The following NR1I2 variants were observed in gnomAD, a reference collection of about 807,000 sequenced individuals.
The protein encoded by NR1I2 is nuclear receptor subfamily 1 group I member 2, also known as orphan nuclear receptor PAR1.
Under a neutral mutation model 43.3 loss-of-function variants are expected in NR1I2, and 42 were observed. That is an observed-to-expected ratio of 0.97 (90% CI 0.76 to 1.26). NR1I2 has a LOEUF of 1.26. NR1I2 is among the 50% of genes most tolerant of loss of function. The probability of loss-of-function intolerance (pLI) is 0.00; values close to 1 mark genes in which losing one functional copy is unlikely to be tolerated. For synonymous variants in NR1I2, 229 were observed against 215.0 expected, an observed-to-expected ratio of 1.06 and a Z score of -0.57; for missense variants, 559 against 566.7, an observed-to-expected ratio of 0.99 and a Z score of 0.14.
Position 119,793,790 on chromosome 3 carries a change from C to G in NR1I2, c.-23+11490C>G, listed in dbSNP as rs150924451. ...CATGTTCTGGGGATAAGGGTGCAGA[C>G]ATCTTTGAGGGCCTTTATTCTATCT... On this transcript the variant is annotated intron_variant, in intron 1 of 8. Coordinates refer to ENST00000393716, the MANE Select transcript of NR1I2 (RefSeq NM_003889.4). Among the ~76,000 whole-genome samples, 74 of 152,294 alleles carry G rather than the reference C, an allele frequency of 4.9e-4. 1 individual carries two copies. The East Asian group carries it at 0.011, about 22-fold the overall frequency.
At chr3:119,812,644 C>T (rs2055259952) in intron 4 of NR1I2, 42 bp from the exon 5 acceptor site, 2 of 1,611,346 alleles carry the variant, frequency 1.2e-6, no homozygotes, top group African/African-American at 1.3e-5. Context: ...TATGAAAGCA[C>T]ATGCTGTCTC....
chr3:119,816,967 T>C, intron 8 of NR1I2, 101 bp from the exon 9 acceptor site: 2 of 1,510,204 alleles, frequency 1.3e-6, no homozygotes, highest in African/African-American at 2.7e-5. Context: ...TTGGCTGACC[T>C]GAAATGTCCA....
At chr3:119,800,140 A>G (rs2055059114) in intron 1 of NR1I2, among the ~76,000 whole-genome samples, 1 of 152,084 alleles carries the variant, frequency 6.6e-6, no homozygotes, top group Non-Finnish European at 1.5e-5. Flanking sequence ...TAGGTCTATG[A>G]TTTTGTGATC....
intron 1 of NR1I2, chr3:119,782,736 C>T (rs762444025): frequency 5.9e-5 from 94 of 1,602,358 alleles, no homozygotes; most frequent in Non-Finnish European, 7.6e-5. Flanking sequence ...GCTGGCAGCC[C>T]CCTGAGGCCA....
chr3:119,814,474 A>C (rs1385993318), intron 5 of NR1I2, among the ~76,000 whole-genome samples: 1 of 152,196 alleles, frequency 6.6e-6, no homozygotes, highest in Non-Finnish European at 1.5e-5. Flanking sequence ...AAACATCCCC[A>C]CTACTGGAAC....
rs536129143 is a variant in NR1I2 at position 119,790,506 on chromosome 3, A to G, written c.-23+8206A>G. 2.0e-5 allele frequency among the ~76,000 whole-genome samples: 3 copies of G among 152,266 alleles called. No homozygotes were observed. The East Asian group carries it at 5.8e-4, about 29-fold the overall frequency. On this transcript the variant is annotated intron_variant, in intron 1 of 8. Transcript: ENST00000393716. ...TATTGTTATCTATAATGGCTACACC[A>G]TTTTTACATTCCTACCACCTGAGTC...
In NR1I2 at chr3:119,815,306, C is replaced by T. The variant is rs2276707; in HGVS notation, c.938-17C>T. The T allele has an allele frequency of 0.21, 330,198 of 1,605,040 alleles. 37,915 individuals carry two copies. The highest frequency in any genetic ancestry group is 0.46 in the East Asian group (20,735 of 44,822). ...GCTTGCTGAGAAGCTGCCCCTCCAT[C>T]CTGTTACCATCCACAGGTGGCTTCC... is the stretch of plus-strand genomic sequence containing the variant. On this transcript the variant is annotated splice_polypyrimidine_tract_variant and intron_variant, in intron 6 of 8. Transcript: ENST00000393716.
intron 3 of NR1I2, 57 bp downstream of exon 3, chr3:119,810,251 C>A (rs1437283970): frequency 1.3e-6 from 2 of 1,548,210 alleles, no homozygotes; most frequent in Admixed American, 2.0e-5. Context: ...TGAGTAAGGA[C>A]GTGCCGTGGG....
At chr3:119,798,189 C>T (rs926221793) in intron 1 of NR1I2, among the ~76,000 whole-genome samples, 24 of 152,218 alleles carry the variant, frequency 1.6e-4, no homozygotes, top group Middle Eastern at 3.4e-3. Flanking sequence ...GTGTCTCTTA[C>T]GCCCTGTTCT....
At chr3:119,808,301 G>C (rs2055189087) in intron 2 of NR1I2, among the ~76,000 whole-genome samples, 1 of 152,236 alleles carries the variant, frequency 6.6e-6, no homozygotes, top group Non-Finnish European at 1.5e-5. Context: ...TGGGGGCACA[G>C]TGCTGGGGCC....
At chr3:119,791,318 A>G (rs1264764822) in intron 1 of NR1I2, among the ~76,000 whole-genome samples, 5 of 152,032 alleles carry the variant, frequency 3.3e-5, no homozygotes, top group African/African-American at 1.2e-4. Flanking sequence ...TGGCCTCCAG[A>G]GTGGCCTCCT....
chr3:119,784,094 C>G (rs1393313982), intron 1 of NR1I2, among the ~76,000 whole-genome samples: 1 of 152,196 alleles, frequency 6.6e-6, no homozygotes, highest in Non-Finnish European at 1.5e-5. Context: ...CGTTGAATTG[C>G]CACATCACAG....
chr3:119,810,387 T>A, intron 3 of NR1I2, 193 bp downstream of exon 3: 1 of 761,748 alleles, frequency 1.3e-6, no homozygotes, highest in Non-Finnish European at 2.1e-6. Context: ...CTCTGGGAGA[T>A]GGAGGGAGTC....
chr3:119,809,597 T>G, intron 2 of NR1I2, among the ~76,000 whole-genome samples: 2 of 151,396 alleles, frequency 1.3e-5, no homozygotes, highest in East Asian at 3.9e-4. Flanking sequence ...CTTCTCTGGT[T>G]TCTTACCCTC....
Position 119,782,711 on chromosome 3 carries a change from G to T in NR1I2, c.-23+411G>T, listed in dbSNP as rs1034292614. 6.4e-6 allele frequency: 9 copies of T among 1,401,848 alleles called. No individual in the cohort carries two copies. In the Admixed American group the frequency reaches 6.8e-5, roughly 11 times the overall value. 86.8% of individuals were successfully genotyped at this position (1,401,848 alleles called of 1,614,324 possible). On this transcript the variant is annotated intron_variant, in intron 1 of 8. Coordinates refer to ENST00000393716, the MANE Select transcript of NR1I2 (RefSeq NM_003889.4). ...ATCAACTCAGTCCTGATTCCTTTTG[G>T]CCTGCTGGGTTAGTGCTGGCAGCCC... is the stretch of plus-strand genomic sequence containing the variant.
intron 1 of NR1I2, among the ~76,000 whole-genome samples, chr3:119,787,730 T>C (rs2054861521): frequency 1.6e-5 from 1 of 62,656 alleles, no homozygotes; most frequent in African/African-American, 3.3e-5. Flanking sequence ...ATCTTGGAGA[T>C]AGTAGGATGA....
At chr3:119,782,883 C>T (rs1466785613) in intron 1 of NR1I2, 5 of 1,540,674 alleles carry the variant, frequency 3.2e-6, no homozygotes, top group Non-Finnish European at 4.5e-6. Context: ...ATTGAAAGGG[C>T]ACCTTGTCCC....
chr3:119,814,829 G>C, intron 5 of NR1I2, 150 bp from the exon 6 acceptor site: 1 of 966,584 alleles, frequency 1.0e-6, no homozygotes, highest in Non-Finnish European at 1.6e-6. Flanking sequence ...ATGAGAGGCA[G>C]CCAGACAGCA....
At chr3:119,792,668 T>C in intron 1 of NR1I2, 2 of 532,626 alleles carry the variant, frequency 3.8e-6, no homozygotes, top group Non-Finnish European at 6.8e-6. Flanking sequence ...CATGATTGGC[T>C]TAAAGTGAAG....
Sources: gnomAD v4.1 joint callset for allele counts (sites outside exome capture counted in the v4.1 genomes callset) on GRCh38, gnomAD v4.1.1 for gene constraint, MANE v1.5 for transcripts, NCBI Gene and HGNC (gene_info 2026-07-23, HGNC 2026-07-21) for gene names.